The following EXOC6 variants were observed in gnomAD, a reference collection of about 807,000 sequenced individuals.
EXOC6 encodes the protein SEC15-like 1.
Under a neutral mutation model 112.5 loss-of-function variants are expected in EXOC6, and 60 were observed. That is an observed-to-expected ratio of 0.53 (90% CI 0.43 to 0.66). The LOEUF (loss-of-function observed/expected upper bound fraction) is 0.66, where lower values mean the gene tolerates loss of function less well. Ranked by LOEUF, EXOC6 falls within the 30% of genes least tolerant of loss-of-function variation. The probability of loss-of-function intolerance (pLI) is 0.00; values close to 1 mark genes in which losing one functional copy is unlikely to be tolerated. For missense variants in EXOC6, 855 were observed against 957.1 expected (o/e 0.89, Z 1.41); for synonymous variants, 295 against 308.0 (o/e 0.96, Z 0.44).
intron 1 of EXOC6, among the ~76,000 whole-genome samples, chr10:92,880,720 C>T (rs763966546): frequency 1.4e-4 from 21 of 151,750 alleles, no homozygotes; most frequent in Non-Finnish European, 2.8e-4. Context: ...ATGAAATTAA[C>T]ATTAAGGAAC....
intron 20 of EXOC6, among the ~76,000 whole-genome samples, chr10:93,043,364 A>T (rs1446867031): frequency 3.9e-5 from 6 of 152,208 alleles, no homozygotes; most frequent in Non-Finnish European, 5.9e-5. Context: ...TTAATATTTT[A>T]TGAATTTACT....
chr10:92,902,081 T>TACACACAC (rs144352636), intron 5 of EXOC6, among the ~76,000 whole-genome samples: 3 of 147,394 alleles, frequency 2.0e-5, no homozygotes, highest in South Asian at 2.1e-4. Context: ...CACACACACA[T>TACACACAC]ACACACACAC....
intron 19 of EXOC6, among the ~76,000 whole-genome samples, chr10:93,010,153 G>A (rs1429448968): frequency 1.3e-5 from 2 of 152,264 alleles, no homozygotes; most frequent in South Asian, 2.1e-4. Context: ...ATATCATTAC[G>A]AATGTCCTCT....
chr10:92,966,242 A>G (rs936385428), intron 17 of EXOC6, among the ~76,000 whole-genome samples: 1 of 150,434 alleles, frequency 6.6e-6, no homozygotes, highest in Non-Finnish European at 1.5e-5. Context: ...TTTCTGAACC[A>G]CTTTTTCCCT....
upstream of EXOC6, among the ~76,000 whole-genome samples, chr10:92,845,799 G>A (rs1401219433): frequency 6.6e-6 from 1 of 151,852 alleles, no homozygotes; most frequent in Admixed American, 6.6e-5. Flanking sequence ...TTAGCTGGGC[G>A]TGGTGGCACG....
At chr10:93,014,132 A>G in intron 19 of EXOC6, 62 bp from the exon 20 acceptor site, 1 of 1,164,140 alleles carries the variant, frequency 8.6e-7, no homozygotes, top group Non-Finnish European at 1.3e-6. Context: ...TTAATTTATC[A>G]GTTAAACTCT....
chr10:92,948,424 C>G (rs201011974), intron 14 of EXOC6, 45 bp downstream of exon 14: 1 of 1,180,848 alleles, frequency 8.5e-7, no homozygotes, highest in Non-Finnish European at 1.2e-6. Flanking sequence ...AAAATAAATT[C>G]ATAGTATTTG....
At chr10:92,873,977 G>A (rs774543145) in intron 1 of EXOC6, among the ~76,000 whole-genome samples, 3 of 151,576 alleles carry the variant, frequency 2.0e-5, no homozygotes, top group Non-Finnish European at 2.9e-5. Flanking sequence ...TGCTTGAACC[G>A]GGGAGGCAGA....
At chr10:92,982,901 T>G (rs1429575776) in intron 18 of EXOC6, among the ~76,000 whole-genome samples, 2 of 152,264 alleles carry the variant, frequency 1.3e-5, no homozygotes, top group Admixed American at 1.3e-4. Flanking sequence ...TTAATTTGCA[T>G]TTTTAGTTTC....
Position 92,893,389 on chromosome 10 carries a change from A to T in EXOC6, c.142A>T (p.Met48Leu). 1.2e-6 allele frequency: 2 copies of T among 1,612,592 alleles called. No homozygotes were observed. The highest frequency in any genetic ancestry group is 1.7e-6 in the Non-Finnish European group (2 of 1,179,230). Residue 48 changes from methionine to leucine, a missense_variant, in exon 2 of 22, where the codon ATG (methionine) becomes TTG (leucine). By Grantham distance (15) the Met-to-Leu change is conservative (BLOSUM62 2). Around this residue, in one of 2 missense-constraint regions of EXOC6, gnomAD observed 405 missense variants for 393.6 expected, o/e 1.03. Transcript: ENST00000260762. Reference sequence around the variant, plus strand: ...CCAACCAAATGCGCACAAGAAGTTTATGGAAAAGTTAGATGCTTGTATCCG... The same window carrying T: ...CCAACCAAATGCGCACAAGAAGTTTTTGGAAAAGTTAGATGCTTGTATCCG... ...DDQPNAHKKF[M>L]EKLDACIRNH... is the part of the protein sequence containing the mutation.
intron 14 of EXOC6, among the ~76,000 whole-genome samples, chr10:92,951,454 G>T (rs1321633155): frequency 6.6e-6 from 1 of 152,120 alleles, no homozygotes; most frequent in Admixed American, 6.5e-5. Flanking sequence ...GTAGGAGTGG[G>T]TCAACTGTGT....
intron 6 of EXOC6, among the ~76,000 whole-genome samples, chr10:92,914,816 A>G (rs1011874245): frequency 2.0e-4 from 30 of 152,228 alleles, no homozygotes; most frequent in Admixed American, 1.8e-3. Context: ...TCTATGTGCT[A>G]ACAGAACAAA....
At chr10:92,876,346 T>A (rs1481027910) in intron 1 of EXOC6, among the ~76,000 whole-genome samples, 2 of 152,162 alleles carry the variant, frequency 1.3e-5, no homozygotes, top group African/African-American at 4.8e-5. Flanking sequence ...TTATTTAATC[T>A]TAACAAGAAG....
chr10:92,871,901 A>G (rs1053248125), intron 1 of EXOC6, among the ~76,000 whole-genome samples: 3 of 152,058 alleles, frequency 2.0e-5, no homozygotes, highest in African/African-American at 7.2e-5. Flanking sequence ...TTTGTATTTA[A>G]ATTTAAATTT....
chr10:92,850,410 A>T (rs895784717), intron 1 of EXOC6, among the ~76,000 whole-genome samples: 1 of 152,184 alleles, frequency 6.6e-6, no homozygotes, highest in Non-Finnish European at 1.5e-5. Context: ...ATATATATGT[A>T]TATTTGTGTC....
intron 17 of EXOC6, among the ~76,000 whole-genome samples, chr10:92,956,883 A>C (rs1392158046): frequency 6.6e-6 from 1 of 152,104 alleles, no homozygotes; most frequent in Non-Finnish European, 1.5e-5. Context: ...ACAGTACAGT[A>C]CCTACCTCAT....
intron 20 of EXOC6, among the ~76,000 whole-genome samples, chr10:93,045,836 T>C (rs935900758): frequency 6.6e-6 from 1 of 152,240 alleles, no homozygotes; most frequent in Non-Finnish European, 1.5e-5. Flanking sequence ...GGAATGTTTA[T>C]TTAACATGTT....
chr10:93,029,757 A>G (rs893475154), intron 20 of EXOC6, among the ~76,000 whole-genome samples: 6 of 152,104 alleles, frequency 3.9e-5, no homozygotes, highest in African/African-American at 1.2e-4. Flanking sequence ...TTATTGTTTT[A>G]CCACTCATAT....
intron 20 of EXOC6, among the ~76,000 whole-genome samples, chr10:93,038,814 A>G (rs1247020209): frequency 3.9e-5 from 6 of 152,250 alleles, no homozygotes; most frequent in Admixed American, 1.3e-4. Context: ...CTACCCTTGA[A>G]GAACTCAAAA....
Sources: gnomAD v4.1 joint callset for allele counts (sites outside exome capture counted in the v4.1 genomes callset) on GRCh38, gnomAD v4.1.1 for gene constraint, gnomAD v4.1.1 regional missense constraint, MANE v1.5 for transcripts, NCBI Gene and HGNC (gene_info 2026-07-23, HGNC 2026-07-21) for gene names.